C7orf78: variants seen among roughly 807,000 people sequenced by gnomAD.
C7orf78 encodes the protein chromosome 7 open reading frame 78.
chr7:12,514,555 T>C, the C7orf78 span, among the ~76,000 whole-genome samples: 27 of 152,256 alleles, frequency 1.8e-4, no homozygotes, highest in African/African-American at 5.3e-4. Context: ...TATTATTGAT[T>C]TTTGAAGTTT....
At chr7:12,525,258 G>A in the C7orf78 span, among the ~76,000 whole-genome samples, 1 of 152,062 alleles carries the variant, frequency 6.6e-6, no homozygotes, top group East Asian at 1.9e-4. Context: ...TTCTTGGAGT[G>A]TACAAATTCT....
the C7orf78 span, chr7:12,496,393 G>C: frequency 2.6e-4 from 39 of 152,256 alleles, no homozygotes; most frequent in African/African-American, 8.9e-4. Context: ...GCATTCATGA[G>C]AGCATTAAAG....
At chr7:12,510,601 A>G in the C7orf78 span, among the ~76,000 whole-genome samples, 1 of 152,090 alleles carries the variant, frequency 6.6e-6, no homozygotes. Flanking sequence ...GATAATAGCC[A>G]TTCTAACTGT....
chr7:12,500,557 A>G, the C7orf78 span, among the ~76,000 whole-genome samples: 1 of 150,730 alleles, frequency 6.6e-6, no homozygotes, highest in East Asian at 2.0e-4. Context: ...GAATAGACCA[A>G]TAACAGGATC....
chr7:12,540,537 T>C, the C7orf78 span, among the ~76,000 whole-genome samples: 6,305 of 152,284 alleles, frequency 0.041, 476 homozygotes, highest in African/African-American at 0.14. Flanking sequence ...TTTTATAAGC[T>C]GGGAAACTAA....
chr7:12,531,067 A>G, the C7orf78 span: 1 of 398,502 alleles, frequency 2.5e-6, no homozygotes, highest in Non-Finnish European at 4.4e-6. Context: ...TGTGGAAGAA[A>G]AGTTTACAAA....
At chr7:12,540,987 T>C in the C7orf78 span, 1 of 152,196 alleles carries the variant, frequency 6.6e-6, no homozygotes, top group African/African-American at 2.4e-5. Flanking sequence ...TCCCGTGCAT[T>C]TCCCAGTGAG....
chr7:12,497,086 T>A, the C7orf78 span, among the ~76,000 whole-genome samples: 1 of 152,216 alleles, frequency 6.6e-6, no homozygotes, highest in Non-Finnish European at 1.5e-5. Flanking sequence ...AATTTTATAT[T>A]CCGTTAGAAA....
At chr7:12,539,191 G>A in the C7orf78 span, among the ~76,000 whole-genome samples, 3 of 152,280 alleles carry the variant, frequency 2.0e-5, no homozygotes, top group Middle Eastern at 3.4e-3. Flanking sequence ...AGGGCCGGGC[G>A]CAGTGGCTCA....
chr7:12,504,015 T>A, the C7orf78 span, among the ~76,000 whole-genome samples: 1 of 152,198 alleles, frequency 6.6e-6, no homozygotes, highest in Non-Finnish European at 1.5e-5. Context: ...AAAGAACTTG[T>A]AATCTTTATT....
chr7:12,505,335 A>G, the C7orf78 span, among the ~76,000 whole-genome samples: 1 of 152,128 alleles, frequency 6.6e-6, no homozygotes, highest in South Asian at 2.1e-4. Flanking sequence ...AGAACTATGC[A>G]TAGAGTTTGT....
At chr7:12,493,698 C>T in the C7orf78 span, among the ~76,000 whole-genome samples, 2 of 152,156 alleles carry the variant, frequency 1.3e-5, no homozygotes, top group African/African-American at 4.8e-5. Flanking sequence ...CTTGGGCAAG[C>T]TGTTAGACTA....
the C7orf78 span, among the ~76,000 whole-genome samples, chr7:12,499,439 G>A: frequency 5.3e-5 from 8 of 150,428 alleles, no homozygotes; most frequent in African/African-American, 1.5e-4. Context: ...CCTAGTCTCT[G>A]ATAAAACAGA....
chr7:12,507,003 CA>C, the C7orf78 span: 84 of 447,134 alleles, frequency 1.9e-4, no homozygotes, highest in East Asian at 4.1e-4. Context: ...GATTAAGGGC[CA>C]AAAAAAAGCT....
the C7orf78 span, chr7:12,523,369 G>T: frequency 2.5e-6 from 1 of 398,346 alleles, no homozygotes. Flanking sequence ...TGTTTGTGAA[G>T]AGTGGACAAT....
the C7orf78 span, chr7:12,526,021 C>T: frequency 6.3e-4 from 243 of 384,682 alleles, no homozygotes; most frequent in Middle Eastern, 1.3e-3. Flanking sequence ...TTTAATAATA[C>T]GGTAAATTTT....
chr7:12,521,415 G>A, the C7orf78 span, among the ~76,000 whole-genome samples: 1 of 151,122 alleles, frequency 6.6e-6, no homozygotes, highest in South Asian at 2.1e-4. Flanking sequence ...ATTAGTATGG[G>A]GCTTACATTT....
chr7:12,501,794 A>T, the C7orf78 span, among the ~76,000 whole-genome samples: 62 of 140,480 alleles, frequency 4.4e-4, no homozygotes, highest in African/African-American at 1.6e-3. Flanking sequence ...AGCCAAAAGA[A>T]CAAAGCTGGA....
the C7orf78 span, among the ~76,000 whole-genome samples, chr7:12,485,886 T>G: frequency 6.6e-6 from 1 of 152,028 alleles, no homozygotes; most frequent in African/African-American, 2.4e-5. Context: ...ATCAGCTGGG[T>G]TGGAAGGAGT....
Sources: allele counts gnomAD v4.1 joint callset (sites outside exome capture counted in the v4.1 genomes callset), GRCh38; gene constraint gnomAD v4.1.1; transcripts MANE v1.5; gene names NCBI Gene and HGNC (gene_info 2026-07-23, HGNC 2026-07-21).